Variants in GABRB2 observed in about 807,000 individuals in gnomAD.
The protein encoded by GABRB2 is gamma-aminobutyric acid receptor subunit beta-2.
Under a neutral mutation model 54.7 loss-of-function variants are expected in GABRB2, and 16 were observed. That is an observed-to-expected ratio of 0.29 (90% CI 0.20 to 0.44). GABRB2 has a LOEUF of 0.44. Ranked by LOEUF, GABRB2 falls within the 20% of genes least tolerant of loss-of-function variation. GABRB2 has a pLI of 1.00. For synonymous variants in GABRB2, 244 were observed against 233.8 expected (o/e 1.04, Z -0.40); for missense variants, 355 against 644.0 (o/e 0.55, Z 4.86).
intron 5 of GABRB2, among the ~76,000 whole-genome samples, chr5:161,350,728 C>T (rs1328840944): frequency 1.3e-5 from 2 of 152,032 alleles, no homozygotes; most frequent in Non-Finnish European, 2.9e-5. Flanking sequence ...CCAGTGCAGC[C>T]AGGATAAAAG....
upstream of GABRB2, chr5:161,548,013 C>T (rs897956229): frequency 2.0e-5 from 3 of 152,344 alleles, no homozygotes; most frequent in African/African-American, 7.2e-5. Flanking sequence ...TACAAGAAGC[C>T]GGAGCGGTCC....
chr5:161,517,256 G>A (rs1203427226), intron 3 of GABRB2, among the ~76,000 whole-genome samples: 1 of 152,128 alleles, frequency 6.6e-6, no homozygotes, highest in Non-Finnish European at 1.5e-5. Context: ...GGTCCTACCT[G>A]CCAAAGTCAA....
intron 5 of GABRB2, among the ~76,000 whole-genome samples, chr5:161,402,359 AATATTC>A (rs1561637825): frequency 6.6e-6 from 1 of 152,152 alleles, no homozygotes; most frequent in East Asian, 1.9e-4. Flanking sequence ...TATGCAGTTA[AATATTC>A]ATATGTGTAT....
At chr5:161,343,565 G>C (rs1322657509) in intron 5 of GABRB2, among the ~76,000 whole-genome samples, 1 of 151,926 alleles carries the variant, frequency 6.6e-6, no homozygotes, top group Admixed American at 6.6e-5. Context: ...TACAAATTTG[G>C]CTCCACGATG....
At chr5:161,365,010 T>C (rs1754933619) in intron 5 of GABRB2, among the ~76,000 whole-genome samples, 3 of 152,208 alleles carry the variant, frequency 2.0e-5, no homozygotes, top group African/African-American at 4.8e-5. Context: ...CACAAATGTA[T>C]GCTTTTTCAA....
chr5:161,505,289 C>A lies in GABRB2; in HGVS notation c.237+39938G>T, dbSNP rs112482892. 3.9e-3 allele frequency among the ~76,000 whole-genome samples: 587 copies of A among 152,034 alleles called. 5 individuals are homozygous for A. The highest frequency in any genetic ancestry group is 0.013 in the African/African-American group (550 of 41,484). ...GGGATTACAGGCAGGTGCCACCACG[C>A]CCGACAAATTTTTGTATTTTTAGTA... On this transcript the variant is annotated intron_variant, in intron 3 of 9. Coordinates refer to ENST00000393959, the MANE Select transcript of GABRB2 (RefSeq NM_001371727.1).
rs1213847852 is a variant in GABRB2 at position 161,404,424 on chromosome 5, T to A, written c.541+6551A>T. Among the ~76,000 whole-genome samples the A allele has an allele frequency of 3.9e-5, 6 of 151,964 alleles. No homozygotes were observed. In the East Asian group the frequency reaches 1.2e-3, roughly 29 times the overall value. On this transcript the variant is annotated intron_variant, in intron 5 of 9. Coordinates refer to ENST00000393959, the MANE Select transcript of GABRB2 (RefSeq NM_001371727.1). ...CAGTATTTTTCTAATTTAAAATAAC[T>A]CAAAGATCACCTAAAATATTTATCA... is the stretch of plus-strand genomic sequence containing the variant.
intron 9 of GABRB2, among the ~76,000 whole-genome samples, chr5:161,311,903 T>C (rs115529077): frequency 0.015 from 2,317 of 152,254 alleles, 23 homozygotes; most frequent in Middle Eastern, 0.082. Flanking sequence ...GACTATAGGA[T>C]TTATAAAACA....
intron 5 of GABRB2, among the ~76,000 whole-genome samples, chr5:161,365,883 A>C (rs1193594388): frequency 6.6e-6 from 1 of 151,900 alleles, no homozygotes; most frequent in African/African-American, 2.4e-5. Flanking sequence ...TTATTCTTTT[A>C]TTCACTACGA....
chr5:161,495,944 C>T (rs1463341822), intron 3 of GABRB2, among the ~76,000 whole-genome samples: 1 of 152,152 alleles, frequency 6.6e-6, no homozygotes, highest in East Asian at 1.9e-4. Flanking sequence ...TCAAGTAGAA[C>T]TTCACATTTG....
At chr5:161,397,116 A>G (rs531237192) in intron 5 of GABRB2, among the ~76,000 whole-genome samples, 3 of 152,326 alleles carry the variant, frequency 2.0e-5, no homozygotes, top group African/African-American at 7.2e-5. Context: ...ATGTATCTTC[A>G]CAATCAAAAA....
intron 5 of GABRB2, among the ~76,000 whole-genome samples, chr5:161,383,715 T>A (rs1360359796): frequency 6.6e-6 from 1 of 152,154 alleles, no homozygotes; most frequent in Non-Finnish European, 1.5e-5. Context: ...CTAATCTACA[T>A]CCAACCCTCT....
At chr5:161,489,428 G>A (rs777225416) in intron 3 of GABRB2, among the ~76,000 whole-genome samples, 25 of 151,628 alleles carry the variant, frequency 1.6e-4, no homozygotes, top group Non-Finnish European at 2.7e-4. Context: ...TTATCAGATA[G>A]ACATTACCAT....
chr5:161,335,744 A>G (rs2113406655), intron 6 of GABRB2, among the ~76,000 whole-genome samples: 1 of 152,268 alleles, frequency 6.6e-6, no homozygotes, highest in South Asian at 2.1e-4. Context: ...ATAGATTTTT[A>G]GGAATTCAGC....
Position 161,326,393 on chromosome 5 carries a change from G to A in GABRB2, c.1166C>T (p.Thr389Ile), listed in dbSNP as rs766549673. The change falls in exon 9 of 10, where the codon ACC (threonine) becomes ATC (isoleucine). Residue 389 changes from threonine to isoleucine, a missense_variant. This residue lies in a region of GABRB2 where 201 missense variants were observed against 228.1 expected (regional missense o/e 0.88). Coordinates refer to ENST00000393959, the MANE Select transcript of GABRB2 (RefSeq NM_001371727.1). ...TGNLSPTRRT[T>I]NYDFSLYTMD... ...CGTATACAGAGAGAAATCGTAATTGGTAGTCCGTCTAGTTGGGGAGAGGTT... is the reference window on the plus strand; with the variant it reads ...CGTATACAGAGAGAAATCGTAATTGATAGTCCGTCTAGTTGGGGAGAGGTT... 5 of 1,613,648 alleles carry A rather than the reference G, an allele frequency of 3.1e-6. No homozygotes were observed. The highest frequency in any genetic ancestry group is 8.5e-7 in the Non-Finnish European group (1 of 1,179,660).
chr5:161,528,862 T>C (rs149933734), intron 3 of GABRB2, among the ~76,000 whole-genome samples: 2,188 of 151,988 alleles, frequency 0.014, 56 homozygotes, highest in African/African-American at 0.049. Flanking sequence ...ACAAGTGAAT[T>C]CAAACTAAAG....
Position 161,490,760 on chromosome 5 carries a change from G to A in GABRB2, c.238-30916C>T, listed in dbSNP as rs147644810. On this transcript the variant is annotated intron_variant, in intron 3 of 9. Transcript: ENST00000393959. ...TTTGATAAGGAGTTAATAAAAACAC[G>A]TAAGTGCCTCCTGGTGAACATTTTC... Among the ~76,000 whole-genome samples the A allele has an allele frequency of 5.6e-3, 855 of 151,806 alleles. 8 individuals are homozygous for A. The highest frequency in any genetic ancestry group is 0.019 in the African/African-American group (785 of 41,498).
chr5:161,513,849 A>G (rs1372278918), intron 3 of GABRB2, among the ~76,000 whole-genome samples: 5 of 152,146 alleles, frequency 3.3e-5, no homozygotes, highest in African/African-American at 1.2e-4. Context: ...AAAAAACTCC[A>G]CAACTGACAG....
rs967939218 is a variant in GABRB2 at position 161,293,738 on chromosome 5, C to A, written c.*343G>T. ...GAAGATGAGGAGTATCTGGTTATGA[C>A]CAAATGACTGACAATGCTGTTGAGC... On this transcript the variant is annotated 3_prime_UTR_variant, in exon 10 of 10. Transcript: ENST00000393959. 7.3e-5 allele frequency: 17 copies of A among 233,570 alleles called. No homozygotes were observed. Among genetic ancestry groups the A allele is most frequent in the African/African-American group, 3.8e-4 (17 of 44,354 alleles). The allele number at this position is 233,570 out of a possible 1,614,324, so 14.5% of individuals were successfully genotyped here.
Sources: allele counts gnomAD v4.1 joint callset (sites outside exome capture counted in the v4.1 genomes callset), GRCh38; gene constraint gnomAD v4.1.1; regional missense constraint gnomAD v4.1.1; transcripts MANE v1.5; gene names NCBI Gene and HGNC (gene_info 2026-07-23, HGNC 2026-07-21).